DLG2: variants seen among roughly 807,000 people sequenced by gnomAD.
DLG2 encodes discs large MAGUK scaffold protein 2.
DLG2 carries 45 observed loss-of-function variants against 132.5 expected under a neutral mutation model. That is an observed-to-expected ratio of 0.34 (90% CI 0.27 to 0.44). DLG2 has a LOEUF of 0.44. Ranked by LOEUF, DLG2 falls within the 20% of genes least tolerant of loss-of-function variation. DLG2 has a pLI of 1.00. For missense variants in DLG2, 1,045 were observed against 1,196.9 expected (o/e 0.87, Z 1.87); for synonymous variants, 424 against 419.6 (o/e 1.01, Z -0.13).
chr11:85,043,748 GCTCTATTTTT>G (rs2062067975), intron 6 of DLG2, among the ~76,000 whole-genome samples: 1 of 151,700 alleles, frequency 6.6e-6, no homozygotes, highest in African/African-American at 2.4e-5. Flanking sequence ...CTTTCTATTA[GCTCTATTTTT>G]AATAGAAAAT....
chr11:83,573,961 C>A (rs1033148338), intron 19 of DLG2, among the ~76,000 whole-genome samples: 2 of 152,108 alleles, frequency 1.3e-5, no homozygotes, highest in Non-Finnish European at 2.9e-5. Flanking sequence ...ACTTTTGAGT[C>A]TCATGTTTTT....
intron 5 of DLG2, among the ~76,000 whole-genome samples, chr11:85,113,108 T>C (rs1033104139): frequency 6.6e-6 from 1 of 151,988 alleles, no homozygotes; most frequent in East Asian, 1.9e-4. Context: ...TCAATCTCCA[T>C]GATCAATTTC....
chr11:84,471,648 T>G (rs1223651377), intron 7 of DLG2, among the ~76,000 whole-genome samples: 1 of 151,764 alleles, frequency 6.6e-6, no homozygotes, highest in Admixed American at 6.6e-5. Context: ...ATTTGAAATC[T>G]GAGCTCTCAA....
intron 8 of DLG2, among the ~76,000 whole-genome samples, chr11:84,203,923 C>T (rs1289521201): frequency 6.6e-6 from 1 of 152,080 alleles, no homozygotes; most frequent in East Asian, 1.9e-4. Flanking sequence ...GCACATGTGT[C>T]CCTGAACTTA....
intron 6 of DLG2, among the ~76,000 whole-genome samples, chr11:84,845,152 G>A (rs1378313152): frequency 6.6e-6 from 1 of 152,086 alleles, no homozygotes; most frequent in African/African-American, 2.4e-5. Context: ...CAGGAGACAA[G>A]GGTTGGTTTA....
intron 6 of DLG2, among the ~76,000 whole-genome samples, chr11:84,878,439 A>T (rs1322717513): frequency 6.6e-6 from 1 of 152,166 alleles, no homozygotes; most frequent in Non-Finnish European, 1.5e-5. Flanking sequence ...CATCATTCTC[A>T]GCAAACTAAC....
chr11:85,337,412 C>G (rs1291220359), intron 3 of DLG2, among the ~76,000 whole-genome samples: 1 of 152,102 alleles, frequency 6.6e-6, no homozygotes, highest in Non-Finnish European at 1.5e-5. Flanking sequence ...CTGATGTACA[C>G]ACTTCTAGGT....
At chr11:83,714,053 G>C (rs1170596747) in intron 18 of DLG2, among the ~76,000 whole-genome samples, 1 of 151,972 alleles carries the variant, frequency 6.6e-6, no homozygotes, top group Non-Finnish European at 1.5e-5. Context: ...TTCTACTAAG[G>C]GTCACATACA....
At chr11:84,063,057 A>G (rs2096616705) in intron 10 of DLG2, among the ~76,000 whole-genome samples, 1 of 152,168 alleles carries the variant, frequency 6.6e-6, no homozygotes, top group Non-Finnish European at 1.5e-5. Flanking sequence ...ACATTGTTTT[A>G]TGAAGCCGTG....
chr11:84,689,416 C>A (rs2057753381), intron 6 of DLG2, among the ~76,000 whole-genome samples: 1 of 151,858 alleles, frequency 6.6e-6, no homozygotes, highest in African/African-American at 2.4e-5. Flanking sequence ...ATGTACTGTA[C>A]AATCATCCCT....
intron 18 of DLG2, among the ~76,000 whole-genome samples, chr11:83,672,581 T>C (rs530096034): frequency 1.3e-5 from 2 of 152,308 alleles, no homozygotes; most frequent in African/African-American, 4.8e-5. Context: ...ATCTAGTAAA[T>C]TCCTGTATCA....
intron 19 of DLG2, among the ~76,000 whole-genome samples, chr11:83,556,301 G>T (rs2436157): frequency 6.6e-6 from 1 of 151,774 alleles, no homozygotes; most frequent in Non-Finnish European, 1.5e-5. Context: ...GCAGGGAAAC[G>T]TTTCTACTGA....
intron 6 of DLG2, among the ~76,000 whole-genome samples, chr11:85,058,337 T>C (rs772000610): frequency 4.6e-5 from 7 of 151,558 alleles, no homozygotes; most frequent in African/African-American, 1.7e-4. Flanking sequence ...TGTAATGAGA[T>C]GTTCAAGAAT....
intron 6 of DLG2, among the ~76,000 whole-genome samples, chr11:84,744,213 C>A (rs2065061910): frequency 6.6e-6 from 1 of 152,098 alleles, no homozygotes; most frequent in African/African-American, 2.4e-5. Flanking sequence ...CAATGAGCTA[C>A]TAAATATATT....
chr11:84,210,667 T>C (rs1465536367), intron 8 of DLG2, among the ~76,000 whole-genome samples: 1 of 151,904 alleles, frequency 6.6e-6, no homozygotes, highest in Non-Finnish European at 1.5e-5. Context: ...TACTTAGAAA[T>C]AAAGGAACAA....
chr11:84,967,940 A>G (rs562327581), intron 6 of DLG2, among the ~76,000 whole-genome samples: 3 of 152,278 alleles, frequency 2.0e-5, no homozygotes, highest in Admixed American at 6.5e-5. Flanking sequence ...AGCAATCTGT[A>G]TTTCAGTGGA....
chr11:84,110,377 C>T (rs2093274391), intron 9 of DLG2, among the ~76,000 whole-genome samples: 1 of 152,026 alleles, frequency 6.6e-6, no homozygotes, highest in Admixed American at 6.6e-5. Flanking sequence ...AATCAAATTT[C>T]CTTAAGTAAA....
At chr11:84,497,222 T>C (rs936377279) in intron 7 of DLG2, among the ~76,000 whole-genome samples, 4 of 152,258 alleles carry the variant, frequency 2.6e-5, no homozygotes, top group Admixed American at 1.3e-4. Flanking sequence ...TACAAATAAA[T>C]TGTTATGGGA....
intron 6 of DLG2, among the ~76,000 whole-genome samples, chr11:84,885,938 G>A (rs1175157359): frequency 3.3e-5 from 5 of 152,054 alleles, no homozygotes; most frequent in Non-Finnish European, 5.9e-5. Flanking sequence ...AATTAAATAA[G>A]CTCCACAAAT....
Sources: gnomAD v4.1 joint callset for allele counts (sites outside exome capture counted in the v4.1 genomes callset) on GRCh38, gnomAD v4.1.1 for gene constraint, MANE v1.5 for transcripts, NCBI Gene and HGNC (gene_info 2026-07-23, HGNC 2026-07-21) for gene names.